The following RANBP17 variants were observed in gnomAD, a reference collection of about 807,000 sequenced individuals.
RANBP17 encodes the protein ran-binding protein 17.
Under a neutral mutation model 141.2 loss-of-function variants are expected in RANBP17, and 158 were observed. The ratio of observed to expected loss-of-function variants is 1.12; its 90% CI spans 0.98 to 1.28. The LOEUF (loss-of-function observed/expected upper bound fraction) is 1.28. Ranked by LOEUF, RANBP17 falls within the 50% of genes most tolerant of loss-of-function variation. The pLI is 0.00. For synonymous variants in RANBP17, 430 were observed against 450.0 expected (o/e 0.96, Z 0.56); for missense variants, 1,438 against 1,290.7 (o/e 1.11, Z -1.75).
At chr5:171,048,854 C>T (rs1782766731) in intron 14 of RANBP17, among the ~76,000 whole-genome samples, 1 of 152,078 alleles carries the variant, frequency 6.6e-6, no homozygotes, top group Non-Finnish European at 1.5e-5. Flanking sequence ...TGTGTATGTG[C>T]CACATTTTTT....
At chr5:171,282,632 C>A (rs1767925065) in intron 25 of RANBP17, among the ~76,000 whole-genome samples, 2 of 152,088 alleles carry the variant, frequency 1.3e-5, no homozygotes, top group African/African-American at 4.8e-5. Flanking sequence ...GTGCGCACCA[C>A]CACTCCAGGC....
In RANBP17 at chr5:170,892,565, T is replaced by C. The variant is rs201660848; in HGVS notation, c.423+12T>C. 1.2e-5 allele frequency: 20 copies of C among 1,610,292 alleles called. No homozygotes were observed. In the Admixed American group the frequency reaches 3.2e-4, roughly 26 times the overall value. On this transcript the variant is annotated intron_variant, in intron 4 of 27. Coordinates refer to ENST00000523189, the MANE Select transcript of RANBP17 (RefSeq NM_022897.5). ...AGAAGTTTCTCCAGGTAAGAAGTCA[T>C]TGCTACATGGTTAGAACATCACTAC...
chr5:170,993,014 C>CT (rs543299543), intron 14 of RANBP17, among the ~76,000 whole-genome samples: 2 of 152,132 alleles, frequency 1.3e-5, no homozygotes, highest in African/African-American at 4.8e-5. Context: ...TGCCTTGTTT[C>CT]TTTTTTATCA....
intron 14 of RANBP17, among the ~76,000 whole-genome samples, chr5:170,977,262 A>T (rs936285487): frequency 6.6e-6 from 1 of 152,068 alleles, no homozygotes; most frequent in African/African-American, 2.4e-5. Context: ...ATCATTATTT[A>T]TGGTAGAAAT....
chr5:170,886,651 C>CTTTTTTTTTT (rs3080616), intron 3 of RANBP17, among the ~76,000 whole-genome samples: 1 of 87,858 alleles, frequency 1.1e-5, no homozygotes, highest in African/African-American at 4.5e-5. Context: ...TTTGAGGTGC[C>CTTTTTTTTTT]TTTTTTTTTT....
chr5:171,048,822 A>G (rs891563315), intron 14 of RANBP17, among the ~76,000 whole-genome samples: 3 of 152,222 alleles, frequency 2.0e-5, no homozygotes, highest in East Asian at 1.9e-4. Flanking sequence ...CATTTTTTTA[A>G]TGGCTGCATA....
chr5:171,085,068 T>G (rs1785544071), intron 14 of RANBP17, among the ~76,000 whole-genome samples: 1 of 61,374 alleles, frequency 1.6e-5, no homozygotes, highest in African/African-American at 6.3e-5. Context: ...AATGCCTAGG[T>G]TTTCTTCTAG....
intron 20 of RANBP17, among the ~76,000 whole-genome samples, chr5:171,208,345 G>A (rs1762691580): frequency 6.6e-6 from 1 of 152,150 alleles, no homozygotes; most frequent in South Asian, 2.1e-4. Flanking sequence ...CAACCATCTT[G>A]ATAAATGGTT....
chr5:171,262,841 C>T (rs990145283), intron 24 of RANBP17, among the ~76,000 whole-genome samples: 6 of 152,174 alleles, frequency 3.9e-5, no homozygotes, highest in African/African-American at 1.2e-4. Context: ...CTATGGTCCA[C>T]GGCTGTCTTC....
At chr5:171,000,545 A>G (rs1450263723) in intron 14 of RANBP17, among the ~76,000 whole-genome samples, 1 of 152,194 alleles carries the variant, frequency 6.6e-6, no homozygotes, top group Non-Finnish European at 1.5e-5. Flanking sequence ...GAATATATTG[A>G]CTATTGAAAT....
chr5:171,062,520 G>A (rs1407098387), intron 14 of RANBP17, among the ~76,000 whole-genome samples: 3 of 152,156 alleles, frequency 2.0e-5, no homozygotes, highest in Admixed American at 6.6e-5. Flanking sequence ...AGTTTCTGCC[G>A]AGAGATCCGC....
chr5:171,191,989 G>C (rs1255109467), intron 18 of RANBP17, among the ~76,000 whole-genome samples: 1 of 152,128 alleles, frequency 6.6e-6, no homozygotes, highest in Admixed American at 6.5e-5. Context: ...GTTCTGTATA[G>C]GTATATTATA....
At chr5:171,183,463 G>A (rs749934656) in intron 18 of RANBP17, 33 bp downstream of exon 18, 8 of 1,396,736 alleles carry the variant, frequency 5.7e-6, no homozygotes, top group African/African-American at 1.4e-5. Flanking sequence ...AATTAATAAG[G>A]GATCAGCAAT....
intron 25 of RANBP17, among the ~76,000 whole-genome samples, chr5:171,292,315 G>A (rs1041833314): frequency 1.2e-4 from 19 of 152,318 alleles, no homozygotes; most frequent in African/African-American, 4.6e-4. Context: ...CGGCAAAGAA[G>A]CTCATTGCTG....
chr5:171,086,952 T>C (rs1785713177), intron 14 of RANBP17, among the ~76,000 whole-genome samples: 1 of 125,918 alleles, frequency 7.9e-6, no homozygotes, highest in Admixed American at 8.5e-5. Context: ...GTTTTTTGTG[T>C]CTCTATTTCC....
At chr5:171,148,615 TAG>T (rs200432634) in intron 14 of RANBP17, among the ~76,000 whole-genome samples, 1 of 147,750 alleles carries the variant, frequency 6.8e-6, no homozygotes, top group Admixed American at 6.8e-5. Flanking sequence ...TATATATATA[TAG>T]AGAGAGAGAG....
Position 171,240,956 on chromosome 5 carries a change from C to T in RANBP17, c.2451C>T (p.Leu817=), listed in dbSNP as rs1331399486. ...ATCAGATCCTGTCCCTTGGGAGCCT[C>T]TCAAAAGATCAGATTTATCCAATGA... The part of the protein sequence containing the change: ...YGNQILSLGS[L]SKDQIYPMKL... Residue 817 remains leucine (L), a synonymous_variant, in exon 23 of 28, where the codon CTC becomes CTT. Coordinates refer to ENST00000523189, the MANE Select transcript of RANBP17 (RefSeq NM_022897.5). The T allele has an allele frequency of 6.2e-7, 1 of 1,613,682 alleles. No homozygotes were observed. The highest frequency in any genetic ancestry group is 8.5e-7 in the Non-Finnish European group (1 of 1,179,670).
intron 25 of RANBP17, among the ~76,000 whole-genome samples, chr5:171,267,533 C>A (rs1002888487): frequency 6.6e-6 from 1 of 152,022 alleles, no homozygotes; most frequent in East Asian, 1.9e-4. Flanking sequence ...GTTGGCCGGG[C>A]GCAGTGACTC....
intron 5 of RANBP17, among the ~76,000 whole-genome samples, chr5:170,899,347 G>C (rs1411875169): frequency 6.6e-6 from 1 of 152,172 alleles, no homozygotes; most frequent in Non-Finnish European, 1.5e-5. Flanking sequence ...AGGAATGCTT[G>C]TGATTTTTGC....
Sources: allele counts gnomAD v4.1 joint callset (sites outside exome capture counted in the v4.1 genomes callset), GRCh38; gene constraint gnomAD v4.1.1; transcripts MANE v1.5; gene names NCBI Gene and HGNC (gene_info 2026-07-23, HGNC 2026-07-21).